Variants in NBPF8 observed in about 807,000 individuals in gnomAD.
NBPF8 encodes the protein NBPF member 8, also known as NBPF family member NBPF8.
At chr1:120,425,298 T>A (rs1660691772) in intron 1 of NBPF8, among the ~76,000 whole-genome samples, 2 of 152,180 alleles carry the variant, frequency 1.3e-5, no homozygotes, top group South Asian at 4.2e-4. Context: ...AGCCCGATTG[T>A]ATATTCCATT....
intron 8 of NBPF8, among the ~76,000 whole-genome samples, chr1:120,446,515 C>T (rs1348458822): frequency 4.4e-4 from 3 of 6,754 alleles, no homozygotes; most frequent in Admixed American, 1.0e-3. Context: ...GGAACACTTA[C>T]GAATGCTTTT....
chr1:120,433,543 AG>A (rs1660948496), upstream of NBPF8: 2 of 155,856 alleles, frequency 1.3e-5, no homozygotes, highest in African/African-American at 4.8e-5. Flanking sequence ...TGGTTTTGGC[AG>A]CAATAAGGTG....
At chr1:120,465,345 A>C in exon 24 of NBPF8, 1 of 659,360 alleles carries the variant, frequency 1.5e-6, no homozygotes, top group Non-Finnish European at 2.7e-6. Context: ...AAGAAGGGGA[A>C]GAAGATCAAA....
upstream of NBPF8, among the ~76,000 whole-genome samples, chr1:120,418,891 T>A (rs1333127865): frequency 2.0e-5 from 3 of 151,866 alleles, no homozygotes; most frequent in African/African-American, 7.3e-5. Context: ...TTTAAAAGAT[T>A]TACTAAAATC....
chr1:120,468,970 A>C (rs1256972413), downstream of NBPF8, among the ~76,000 whole-genome samples: 58 of 152,166 alleles, frequency 3.8e-4, no homozygotes, highest in African/African-American at 1.3e-3. Context: ...GAGATTTTTG[A>C]GTCTCTAAGT....
At chr1:120,445,761 T>C in intron 7 of NBPF8, 1 of 272,124 alleles carries the variant, frequency 3.7e-6, no homozygotes, top group South Asian at 2.4e-5. Flanking sequence ...CAGAAATCTC[T>C]GTTGCAATAT....
At chr1:120,434,383 GTA>G (rs1491020562), upstream of NBPF8, among the ~76,000 whole-genome samples, 4 of 145,452 alleles carry the variant, frequency 2.8e-5, no homozygotes, top group Admixed American at 2.1e-4. Context: ...AGGTATATAT[GTA>G]TATATAATAT....
chr1:120,460,738 A>C, intron 18 of NBPF8, 114 bp downstream of exon 16: 3 of 991,356 alleles, frequency 3.0e-6, no homozygotes. Flanking sequence ...ACAAGTCTGA[A>C]TTACGCCTAC....
chr1:120,432,195 C>T (rs1279921193), upstream of NBPF8: 5 of 140,578 alleles, frequency 3.6e-5, no homozygotes, highest in Non-Finnish European at 6.1e-5. Context: ...CTCCAATAAA[C>T]TTGTTTGTGG....
exon 14 of NBPF8, chr1:120,453,379 C>G (rs1661339942): frequency 1.2e-6 from 1 of 868,802 alleles, no homozygotes; most frequent in South Asian, 1.3e-5. Context: ...CAGAAAATGA[C>G]AACGATGACG....
chr1:120,435,845 G>C (rs1411240778), upstream of NBPF8, among the ~76,000 whole-genome samples: 5 of 151,088 alleles, frequency 3.3e-5, no homozygotes, highest in African/African-American at 1.2e-4. Flanking sequence ...CAGCCTGGGA[G>C]ACAGAGTGAG....
chr1:120,426,185 CT>C, intron 2 of NBPF8, among the ~76,000 whole-genome samples: 1 of 149,814 alleles, frequency 6.7e-6, no homozygotes, highest in Non-Finnish European at 1.5e-5. Context: ...ACTGAGGGCC[CT>C]TTTTCTGTGC....
At chr1:120,419,598 A>G (rs1230627824), upstream of NBPF8, among the ~76,000 whole-genome samples, 1 of 152,064 alleles carries the variant, frequency 6.6e-6, no homozygotes, top group Non-Finnish European at 1.5e-5. Context: ...AGCTGAGACT[A>G]CAAGTGTGTG....
chr1:120,467,949 A>AGT (rs1553250932), downstream of NBPF8, among the ~76,000 whole-genome samples: 5 of 144,916 alleles, frequency 3.5e-5, no homozygotes, highest in Admixed American at 1.4e-4. Flanking sequence ...CGTGAGTGTG[A>AGT]GAGTGTGTGT....
At chr1:120,468,280 A>C (rs1458065873), downstream of NBPF8, among the ~76,000 whole-genome samples, 2 of 151,564 alleles carry the variant, frequency 1.3e-5, no homozygotes, top group Admixed American at 6.6e-5. Context: ...CCACAATGAA[A>C]TATATTAACG....
upstream of NBPF8, among the ~76,000 whole-genome samples, chr1:120,434,745 T>C (rs1484411688): frequency 2.9e-5 from 4 of 139,890 alleles, no homozygotes; most frequent in South Asian, 2.3e-4. Context: ...CCATCATATG[T>C]TGAAATTATC....
At chr1:120,460,468 C>T (rs11484518) in intron 17 of NBPF8, 105 bp from the exon 16 acceptor site, 2 of 819,130 alleles carry the variant, frequency 2.4e-6, no homozygotes, top group Non-Finnish European at 4.3e-6. Context: ...CCTGTTCTCA[C>T]ATTGACAAGA....
chr1:120,462,215 T>C lies in NBPF8; in HGVS notation n.3061+18T>C, dbSNP rs1661611352. 9 of 638,792 alleles carry C rather than the reference T, an allele frequency of 1.4e-5. 1 individual carries two copies. Among genetic ancestry groups the C allele is most frequent in the South Asian group, 1.2e-4 (8 of 65,890 alleles). 39.6% of individuals were successfully genotyped at this position (638,792 alleles called of 1,614,324 possible). On this transcript the variant is annotated intron_variant and non_coding_transcript_variant, in intron 20 of 24. Transcript: ENST00000583271. ...TGCCCCAGGTAACTTTGAGCAATTA[T>C]GGATGCTTAATTCTGTGTTGACACC...
exon 25 of NBPF8, chr1:120,466,386 A>T: frequency 9.7e-7 from 1 of 1,026,764 alleles, no homozygotes; most frequent in Non-Finnish European, 1.4e-6. Flanking sequence ...ACCTGTGCTC[A>T]GTCTGAAGAC....
Sources: gnomAD v4.1 joint callset for allele counts (sites outside exome capture counted in the v4.1 genomes callset) on GRCh38, gnomAD v4.1.1 for gene constraint, MANE v1.5 for transcripts, NCBI Gene and HGNC (gene_info 2026-07-23, HGNC 2026-07-21) for gene names.